STIM1: variants seen among roughly 807,000 people sequenced by gnomAD.
STIM1 encodes stromal interaction molecule 1.
Under a neutral mutation model 74.7 loss-of-function variants are expected in STIM1, and 25 were observed. The observed-to-expected ratio is 0.33, with a 90% CI of 0.24 to 0.47. The LOEUF is 0.47. Ranked by LOEUF, STIM1 falls within the 20% of genes least tolerant of loss-of-function variation. STIM1 has a pLI of 1.00. For synonymous variants in STIM1, 328 were observed against 348.8 expected (o/e 0.94, Z 0.66); for missense variants, 728 against 920.8 (o/e 0.79, Z 2.71).
chr11:4,013,805 C>T (rs1223535058), intron 2 of STIM1, among the ~76,000 whole-genome samples: 1 of 147,758 alleles, frequency 6.8e-6, no homozygotes, highest in Non-Finnish European at 1.5e-5. Flanking sequence ...CCCGGTTTCA[C>T]GCCATTCTCC....
chr11:3,918,738 T>G (rs993126997), intron 1 of STIM1, among the ~76,000 whole-genome samples: 10 of 152,030 alleles, frequency 6.6e-5, no homozygotes, highest in African/African-American at 9.7e-5. Flanking sequence ...AGGGTCAGCT[T>G]CCCTGGAACC....
At chr11:3,876,087 C>T (rs2091299109) in intron 1 of STIM1, among the ~76,000 whole-genome samples, 1 of 152,216 alleles carries the variant, frequency 6.6e-6, no homozygotes, top group African/African-American at 2.4e-5. Context: ...TTGTCTGTTC[C>T]CCTATGTGTT....
intron 3 of STIM1, among the ~76,000 whole-genome samples, chr11:4,036,461 C>T (rs2094103519): frequency 6.6e-6 from 1 of 152,214 alleles, no homozygotes; most frequent in Non-Finnish European, 1.5e-5. Context: ...AACTAATTTG[C>T]ATTCCCACCA....
At chr11:3,998,016 A>T (rs2093678166) in intron 2 of STIM1, among the ~76,000 whole-genome samples, 2 of 152,240 alleles carry the variant, frequency 1.3e-5, no homozygotes, top group Non-Finnish European at 2.9e-5. Context: ...TCTTCCTTAC[A>T]TATGAGGGAT....
chr11:3,997,234 T>G (rs1565141844), intron 2 of STIM1, among the ~76,000 whole-genome samples: 2 of 152,222 alleles, frequency 1.3e-5, no homozygotes, highest in Admixed American at 6.5e-5. Context: ...TCAGAGGGAT[T>G]CTCTGTATCT....
intron 1 of STIM1, among the ~76,000 whole-genome samples, chr11:3,888,710 C>G (rs1295717843): frequency 6.6e-6 from 1 of 151,968 alleles, no homozygotes. Context: ...ACCACCATAC[C>G]CAGCTGACTT....
At chr11:3,975,246 G>A (rs552994542) in intron 2 of STIM1, among the ~76,000 whole-genome samples, 6 of 152,310 alleles carry the variant, frequency 3.9e-5, no homozygotes, top group South Asian at 2.1e-4. Context: ...CCATTGCAGC[G>A]TTGTTGTCAG....
intron 1 of STIM1, among the ~76,000 whole-genome samples, chr11:3,934,440 G>A (rs890911976): frequency 1.1e-4 from 17 of 152,106 alleles, no homozygotes; most frequent in Admixed American, 1.1e-3. Context: ...AGGTTGTCAT[G>A]CCCACTTTGT....
At chr11:4,052,267 A>G (rs993496254) in intron 3 of STIM1, among the ~76,000 whole-genome samples, 1 of 152,178 alleles carries the variant, frequency 6.6e-6, no homozygotes, top group Non-Finnish European at 1.5e-5. Flanking sequence ...TTTAAAGTTC[A>G]TATGGAACCA....
intron 11 of STIM1, among the ~76,000 whole-genome samples, chr11:4,085,433 T>C (rs1265687424): frequency 6.6e-6 from 1 of 152,242 alleles, no homozygotes; most frequent in East Asian, 1.9e-4. Flanking sequence ...CTAAGTTACT[T>C]GGTGCCCATG....
In STIM1 at chr11:4,091,303, G is replaced by A. The variant is rs148209416; in HGVS notation, c.1656G>A (p.Ser552=). ...GCAGGGATTTGACCCATTCCGATTCGGAGTCCTCCCTCCACATGAGTGACC... is the reference window on the plus strand; with the variant it reads ...GCAGGGATTTGACCCATTCCGATTCAGAGTCCTCCCTCCACATGAGTGACC... ...GSQRDLTHSD[S]ESSLHMSDRQ... is the part of the protein sequence containing the mutation. The change falls in exon 13 of 13, where the codon TCG becomes TCA. Residue 552 remains serine, a synonymous_variant. Transcript: ENST00000526596. The A allele has an allele frequency of 4.8e-5, 78 of 1,613,932 alleles. No homozygotes were observed. The highest frequency in any genetic ancestry group is 1.1e-4 in the South Asian group (10 of 91,080).
At chr11:4,026,318 A>G (rs1320035158) in intron 3 of STIM1, among the ~76,000 whole-genome samples, 1 of 152,224 alleles carries the variant, frequency 6.6e-6, no homozygotes, top group Non-Finnish European at 1.5e-5. Flanking sequence ...ATCTTAGCCA[A>G]CTCTGGGCTT....
At position 4,083,709 on chromosome 11, in the gene STIM1, C is replaced by A. The variant is rs2094477527; in HGVS notation, c.1474+211C>A. 1.2e-5 allele frequency: 7 copies of A among 597,802 alleles called. No individual in the cohort carries two copies. In the South Asian group the frequency reaches 1.2e-4, roughly 10 times the overall value. 37.0% of individuals were successfully genotyped at this position (597,802 alleles called of 1,614,324 possible). A position where few individuals can be genotyped will look rare whatever the true frequency, so the allele number is the denominator to read the frequency against. On this transcript the variant is annotated intron_variant, in intron 10 of 12. Transcript: ENST00000526596. ...TTTCCTTGTTGTATGCTCTGTGTGC[C>A]CCTTTGGGTCTATTGTGCTAAGTGT... is the stretch of plus-strand genomic sequence containing the variant.
At position 4,091,614 on chromosome 11, in the gene STIM1, A is replaced by G; in HGVS notation, c.1967A>G (p.Asp656Gly). Residue 656 changes from aspartate (D) to glycine (G), a missense_variant, in exon 13 of 13, where the codon GAC becomes GGC. Coordinates refer to ENST00000526596, the MANE Select transcript of STIM1 (RefSeq NM_001382567.1). ...CACAGCCCCAGCTCCCCAGACCCAGACACACCATCTCCAGTTGGGGACAGC... is the reference window on the plus strand; with the variant it reads ...CACAGCCCCAGCTCCCCAGACCCAGGCACACCATCTCCAGTTGGGGACAGC... The part of the protein sequence containing the change: ...RSHSPSSPDP[D>G]TPSPVGDSRA... 2 of 1,614,180 alleles carry G rather than the reference A, an allele frequency of 1.2e-6. No homozygotes were observed. The highest frequency in any genetic ancestry group is 1.1e-5 in the South Asian group (1 of 91,084).
In STIM1 at chr11:4,082,306, C is replaced by G. The variant is rs201378028; in HGVS notation, c.1092C>G (p.Ile364Met). The G allele has an allele frequency of 2.5e-6, 4 of 1,613,654 alleles. No homozygotes were observed. The highest frequency in any genetic ancestry group is 1.7e-6 in the Non-Finnish European group (2 of 1,180,006). The part of the protein sequence containing the change: ...THEVEVQYYN[I>M]KKQNAEKQLL... ...AGGTGGAGGTGCAATATTACAACAT[C>G]AAGAAGCAAAATGCTGAGAAGCAGC... Residue 364 changes from isoleucine (I) to methionine (M), a missense_variant, in exon 8 of 13, where the codon ATC becomes ATG. Coordinates refer to ENST00000526596, the MANE Select transcript of STIM1 (RefSeq NM_001382567.1).
chr11:3,930,956 G>T (rs545227070), intron 1 of STIM1, among the ~76,000 whole-genome samples: 1 of 152,242 alleles, frequency 6.6e-6, no homozygotes, highest in Non-Finnish European at 1.5e-5. Flanking sequence ...ACTGTACTAG[G>T]CCCTGCTAAT....
At chr11:4,089,784 T>A (rs532902607) in intron 12 of STIM1, among the ~76,000 whole-genome samples, 1 of 152,334 alleles carries the variant, frequency 6.6e-6, no homozygotes, top group East Asian at 1.9e-4. Flanking sequence ...AGCCTCTTTC[T>A]TTCTAGGTCC....
intron 1 of STIM1, among the ~76,000 whole-genome samples, chr11:3,954,304 C>T (rs2093185220): frequency 6.6e-6 from 1 of 152,116 alleles, no homozygotes; most frequent in Non-Finnish European, 1.5e-5. Context: ...GGTGTTTATT[C>T]ATCTCTTTTT....
chr11:4,006,560 A>C (rs1394633372), intron 2 of STIM1, among the ~76,000 whole-genome samples: 1 of 152,092 alleles, frequency 6.6e-6, no homozygotes, highest in African/African-American at 2.4e-5. Flanking sequence ...GATTACAGGC[A>C]CAAGCCATGA....
Sources: allele counts gnomAD v4.1 joint callset (sites outside exome capture counted in the v4.1 genomes callset), GRCh38; gene constraint gnomAD v4.1.1; transcripts MANE v1.5; gene names NCBI Gene and HGNC (gene_info 2026-07-23, HGNC 2026-07-21).